LRBA: variants seen among roughly 807,000 people sequenced by gnomAD.
LRBA encodes the protein lipopolysaccharide-responsive and beige-like anchor protein.
A neutral mutation model predicts 330.0 loss-of-function variants in LRBA; 176 were observed. The ratio of observed to expected loss-of-function variants is 0.53; its 90% CI spans 0.47 to 0.60. The LOEUF (loss-of-function observed/expected upper bound fraction) is 0.60. LRBA is among the 20% of genes least tolerant of loss of function. The pLI, the probability that LRBA is intolerant of heterozygous loss-of-function variation, is 0.00. For synonymous variants in LRBA, 1,230 were observed against 1,193.0 expected (o/e 1.03, Z -0.64); for missense variants, 3,259 against 3,444.8 (o/e 0.95, Z 1.35).
At chr4:150,554,350 G>A (rs529809873) in intron 40 of LRBA, among the ~76,000 whole-genome samples, 11 of 152,256 alleles carry the variant, frequency 7.2e-5, no homozygotes, top group South Asian at 6.2e-4. Context: ...TGGATACTGC[G>A]CTGGAGCAAG....
chr4:150,686,434 A>C (rs1194341672), intron 36 of LRBA, among the ~76,000 whole-genome samples: 1 of 152,242 alleles, frequency 6.6e-6, no homozygotes, highest in East Asian at 1.9e-4. Context: ...AAAATGATTA[A>C]GAAATGTATG....
chr4:150,848,722 T>C (rs1337308749), intron 26 of LRBA, 96 bp downstream of exon 26: 3 of 963,108 alleles, frequency 3.1e-6, no homozygotes, highest in African/African-American at 3.3e-5. Context: ...CTAACATATA[T>C]TTTCTCACCA....
chr4:150,607,732 T>A lies in LRBA; in HGVS notation c.5922-8601A>T, dbSNP rs187378796. ...GCCTGGCCAACATGGCGAAACCCTC[T>A]CTCTACAAAAGATACAAAAATTAGG... On this transcript the variant is annotated intron_variant, in intron 37 of 56. Coordinates refer to ENST00000651943, the MANE Select transcript of LRBA (RefSeq NM_001364905.1). Among the ~76,000 whole-genome samples, 20 of 151,972 alleles carry A rather than the reference T, an allele frequency of 1.3e-4. 1 individual carries two copies. In the East Asian group the frequency reaches 3.7e-3, roughly 28 times the overall value.
At chr4:150,778,727 G>A (rs150330493) in intron 34 of LRBA, among the ~76,000 whole-genome samples, 303 of 152,110 alleles carry the variant, frequency 2.0e-3, no homozygotes, top group African/African-American at 6.6e-3. Context: ...TCTGTATCAG[G>A]GCTCCACATT....
rs533436873 is a variant in LRBA at position 150,643,339 on chromosome 4, A to AT, written c.5921+40211dup. On this transcript the variant is annotated intron_variant, in intron 37 of 56. Coordinates refer to ENST00000651943, the MANE Select transcript of LRBA (RefSeq NM_001364905.1). ...AAAAATTAATTTATAATAAAATGTC[A>AT]TAAAAAGTATTATGAAAAAATAACT... Among the ~76,000 whole-genome samples, 25 of 152,112 alleles carry AT rather than the reference A, an allele frequency of 1.6e-4. 1 individual carries two copies. The South Asian group carries it at 5.0e-3, about 30-fold the overall frequency.
chr4:150,720,395 A>T (rs1210690588), intron 36 of LRBA, among the ~76,000 whole-genome samples: 2 of 152,142 alleles, frequency 1.3e-5, no homozygotes, highest in African/African-American at 2.4e-5. Context: ...ATAAGATAAA[A>T]CTCAAAATAA....
intron 40 of LRBA, among the ~76,000 whole-genome samples, chr4:150,527,059 A>G (rs1417788402): frequency 2.0e-5 from 3 of 150,972 alleles, no homozygotes; most frequent in African/African-American, 7.3e-5. Flanking sequence ...TATAGAATTT[A>G]CCATATTCTG....
chr4:150,988,346 A>G (rs1296108430), intron 2 of LRBA, among the ~76,000 whole-genome samples: 3 of 152,220 alleles, frequency 2.0e-5, no homozygotes, highest in Non-Finnish European at 1.5e-5. Flanking sequence ...GCAGACTTTA[A>G]GTTCCTAGAA....
intron 47 of LRBA, among the ~76,000 whole-genome samples, chr4:150,375,539 A>C (rs191760374): frequency 1.9e-3 from 285 of 151,512 alleles, no homozygotes; most frequent in African/African-American, 6.5e-3. Context: ...CTCACTGCAA[A>C]CTCCGCCTCC....
chr4:150,932,999 C>T (rs1734678108), intron 2 of LRBA, among the ~76,000 whole-genome samples: 2 of 152,092 alleles, frequency 1.3e-5, no homozygotes, highest in East Asian at 1.9e-4. Flanking sequence ...AATCAAACTA[C>T]TAGAAATGTA....
intron 40 of LRBA, among the ~76,000 whole-genome samples, chr4:150,526,994 CT>C (rs1177120622): frequency 6.6e-6 from 1 of 150,868 alleles, no homozygotes; most frequent in Non-Finnish European, 1.5e-5. Flanking sequence ...GAGAATCTCT[CT>C]CTTCTTCTTT....
intron 46 of LRBA, chr4:150,423,323 C>T (rs1749088199): frequency 8.1e-6 from 6 of 736,464 alleles, no homozygotes; most frequent in East Asian, 2.5e-5. Context: ...CCCTGGGGGA[C>T]GAGCTCTGCG....
At chr4:150,569,585 C>T (rs1769588878) in intron 40 of LRBA, among the ~76,000 whole-genome samples, 1 of 152,144 alleles carries the variant, frequency 6.6e-6, no homozygotes, top group Admixed American at 6.6e-5. Context: ...GCAGAGACTG[C>T]AGTTTTATCT....
intron 2 of LRBA, among the ~76,000 whole-genome samples, chr4:151,001,589 C>T (rs564680228): frequency 1.1e-4 from 17 of 152,122 alleles, no homozygotes; most frequent in Admixed American, 1.1e-3. Flanking sequence ...CCTGCATGAA[C>T]AACCTGCAAA....
chr4:150,763,361 A>G, intron 34 of LRBA, among the ~76,000 whole-genome samples: 1 of 152,128 alleles, frequency 6.6e-6, no homozygotes, highest in South Asian at 2.1e-4. Context: ...TCTAAAATTT[A>G]CTAACATTTA....
intron 42 of LRBA, among the ~76,000 whole-genome samples, chr4:150,480,698 T>C (rs1349283408): frequency 6.6e-6 from 1 of 152,180 alleles, no homozygotes; most frequent in East Asian, 1.9e-4. Flanking sequence ...ATTTTTTATA[T>C]TTATTTAAAC....
At chr4:150,277,444 T>G (rs1159876189) in intron 56 of LRBA, among the ~76,000 whole-genome samples, 2 of 152,122 alleles carry the variant, frequency 1.3e-5, no homozygotes, top group Non-Finnish European at 2.9e-5. Context: ...CAAAGAAATA[T>G]AAAAAGCTTT....
intron 28 of LRBA, among the ~76,000 whole-genome samples, chr4:150,833,464 C>T (rs1007657784): frequency 2.0e-5 from 3 of 152,004 alleles, no homozygotes; most frequent in Non-Finnish European, 4.4e-5. Context: ...GGTTTAGTTC[C>T]GGACCACTGC....
intron 14 of LRBA, among the ~76,000 whole-genome samples, chr4:150,898,686 AATT>A (rs1383686621): frequency 1.3e-5 from 2 of 152,024 alleles, no homozygotes; most frequent in Non-Finnish European, 2.9e-5. Context: ...AGGATCACAA[AATT>A]TGTCCAGCTC....
Sources: allele counts gnomAD v4.1 joint callset (sites outside exome capture counted in the v4.1 genomes callset), GRCh38; gene constraint gnomAD v4.1.1; transcripts MANE v1.5; gene names NCBI Gene and HGNC (gene_info 2026-07-23, HGNC 2026-07-21).